Variants in HIBCH observed in about 807,000 individuals in gnomAD.
HIBCH encodes the protein 3-hydroxyisobutyryl-CoA hydrolase, mitochondrial.
Under a neutral mutation model 58.2 loss-of-function variants are expected in HIBCH, and 50 were observed. That is an observed-to-expected ratio of 0.86 (90% CI 0.68 to 1.09). HIBCH has a LOEUF of 1.09. HIBCH is among the 50% of genes least tolerant of loss of function. The pLI is 0.00. For missense variants in HIBCH, 450 were observed against 449.7 expected, an observed-to-expected ratio of 1.00 and a Z score of -0.01; for synonymous variants, 151 against 146.9, an observed-to-expected ratio of 1.03 and a Z score of -0.20.
intron 6 of HIBCH, among the ~76,000 whole-genome samples, chr2:190,262,150 T>C (rs1410648634): frequency 1.5e-5 from 2 of 130,294 alleles, no homozygotes; most frequent in African/African-American, 6.0e-5. Context: ...GCTGGTTTTA[T>C]ATGCGGTAGA....
chr2:190,296,844 T>C lies in HIBCH; in HGVS notation c.188A>G (p.Asn63Ser). The C allele has an allele frequency of 1.2e-6, 2 of 1,614,110 alleles. No individual in the cohort carries two copies. The highest frequency in any genetic ancestry group is 1.1e-5 in the South Asian group (1 of 91,084). Reference protein sequence around the residue: ...RPKFLNALTLNMIRQIYPQLK... With the variant: ...RPKFLNALTLSMIRQIYPQLK... ...CTGTGGATAAATCTGCCGAATCATA[T>C]TAAGAGTCAGTGCATTGAGGAACTT... The change falls in exon 3 of 14, where the codon AAT (asparagine) becomes AGT (serine). Residue 63 changes from asparagine (N) to serine (S), a missense_variant. Physicochemically the swap from Asn to Ser is conservative, Grantham distance 46. Transcript: ENST00000359678.
intron 11 of HIBCH, among the ~76,000 whole-genome samples, chr2:190,232,883 G>A (rs1220662490): frequency 5.9e-5 from 9 of 152,162 alleles, no homozygotes; most frequent in East Asian, 5.8e-4. Flanking sequence ...GCGTGAACCC[G>A]GGAGGCGGAG....
chr2:190,319,611 C>T (rs1688794931), intron 1 of HIBCH, 105 bp downstream of exon 1: 2 of 978,358 alleles, frequency 2.0e-6, no homozygotes, highest in Non-Finnish European at 3.2e-6. Flanking sequence ...CGCCTCTGAG[C>T]GCGACTCGAA....
At chr2:190,194,935 C>T (rs1387274976) in intron 1 of HIBCH, among the ~76,000 whole-genome samples, 3 of 152,182 alleles carry the variant, frequency 2.0e-5, no homozygotes, top group African/African-American at 4.8e-5. Flanking sequence ...TAACTTACCA[C>T]AACCTTCAAT....
rs1031295095 is a variant in HIBCH, at chr2:190,215,437, A to G, written c.892-2362T>C. On this transcript the variant is annotated intron_variant, in intron 11 of 13. Coordinates refer to ENST00000359678, the MANE Select transcript of HIBCH (RefSeq NM_014362.4). The surrounding 1 kb of genome is among the most constrained non-coding windows in gnomAD (Gnocchi z 4.4). ...ATAAAATGTCTCAAAAGCATTTGAG[A>G]TTCAACAACAAAAAAGGAGGAGACT... The G allele has an allele frequency of 5.3e-5, 8 of 152,318 alleles. No individual in the cohort carries two copies. The highest frequency in any genetic ancestry group is 1.9e-4 in the African/African-American group (8 of 41,558). 9.4% of individuals were successfully genotyped at this position (152,318 alleles called of 1,614,324 possible).
At position 190,264,758 on chromosome 2, in the gene HIBCH, T is replaced by C. The variant is rs143780557; in HGVS notation, c.439-3524A>G. Reference sequence around the variant, plus strand: ...AATTCAGTGGCCATTCTTCTGCATATGTTTTGGTGCAAAAGTGCACACATT... The same window carrying C: ...AATTCAGTGGCCATTCTTCTGCATACGTTTTGGTGCAAAAGTGCACACATT... On this transcript the variant is annotated intron_variant, in intron 6 of 13. Coordinates refer to ENST00000359678, the MANE Select transcript of HIBCH (RefSeq NM_014362.4). Among the ~76,000 whole-genome samples, 66 of 152,304 alleles carry C rather than the reference T, an allele frequency of 4.3e-4. 1 individual carries two copies. The highest frequency in any genetic ancestry group is 4.0e-3 in the East Asian group (21 of 5,186).
chr2:190,231,747 G>GAGGAGAAGAAA (rs1575709466), intron 11 of HIBCH, among the ~76,000 whole-genome samples: 1 of 151,910 alleles, frequency 6.6e-6, no homozygotes, highest in East Asian at 1.9e-4. Context: ...GAGAGAGGGA[G>GAGGAGAAGAAA]AGGAGAAGAA....
rs1202706341 is a variant in HIBCH at position 190,279,997 on chromosome 2, A to T, written c.438+7589T>A. ...TTACCCTGTCCCCTTTGTTCGCTGT[A>T]CTCTTGTAGCAAAACTGCCGGCAAG... On this transcript the variant is annotated intron_variant, in intron 6 of 13. Coordinates refer to ENST00000359678, the MANE Select transcript of HIBCH (RefSeq NM_014362.4). This position sits in a 1 kb window ranked among gnomAD's most constrained non-coding sequence, Gnocchi z 4.2. 6.6e-6 allele frequency: 1 copy of T among 152,264 alleles called. No individual in the cohort carries two copies. Among genetic ancestry groups the T allele is most frequent in the Non-Finnish European group, 1.5e-5 (1 of 68,116 alleles). 9.4% of individuals were successfully genotyped at this position (152,264 alleles called of 1,614,324 possible). A position where few individuals can be genotyped will look rare whatever the true frequency, so the allele number is the denominator to read the frequency against.
chr2:190,225,367 A>C (rs569784181), intron 11 of HIBCH, among the ~76,000 whole-genome samples: 41 of 152,200 alleles, frequency 2.7e-4, no homozygotes, highest in East Asian at 1.5e-3. Context: ...ATTGATAGAC[A>C]GCTAGCAAGA....
Position 190,315,012 on chromosome 2 carries a change from A to G in HIBCH, c.36-4216T>C, listed in dbSNP as rs1439922486. ...GCCCAGGCTGGAGTGCAGTGGTGCA[A>G]TCTCGGCTCACTGCAGGCTCTGCCT... On this transcript the variant is annotated intron_variant, in intron 1 of 13. Coordinates refer to ENST00000359678, the MANE Select transcript of HIBCH (RefSeq NM_014362.4). This position sits in a 1 kb window ranked among gnomAD's most constrained non-coding sequence, Gnocchi z 5.4. 2.0e-5 allele frequency among the ~76,000 whole-genome samples: 3 copies of G among 151,512 alleles called. No individual in the cohort carries two copies. Among genetic ancestry groups the G allele is most frequent in the African/African-American group, 7.3e-5 (3 of 41,220 alleles).
At position 190,209,785 on chromosome 2, in the gene HIBCH, C is replaced by T. The variant is rs914442542; in HGVS notation, c.1012-872G>A. 1.3e-4 allele frequency among the ~76,000 whole-genome samples: 20 copies of T among 152,134 alleles called. No homozygotes were observed. The highest frequency in any genetic ancestry group is 4.8e-4 in the African/African-American group (20 of 41,420). On this transcript the variant is annotated intron_variant, in intron 12 of 13. Coordinates refer to ENST00000359678, the MANE Select transcript of HIBCH (RefSeq NM_014362.4). The surrounding 1 kb of genome is among the most constrained non-coding windows in gnomAD (Gnocchi z 5.6). ...TTCACTTTTATTTTCCTAGAATCATCGATGTAGGCAATATAGCTGAGTTCA... is the reference window on the plus strand; with the variant it reads ...TTCACTTTTATTTTCCTAGAATCATTGATGTAGGCAATATAGCTGAGTTCA...
At chr2:190,212,818 G>C in intron 12 of HIBCH, 138 bp downstream of exon 12, 1 of 714,600 alleles carries the variant, frequency 1.4e-6, no homozygotes, top group South Asian at 1.7e-5. Flanking sequence ...AAAACTAACT[G>C]GCCTGTTGTG....
chr2:190,251,712 C>CAT (rs3838547), intron 8 of HIBCH, among the ~76,000 whole-genome samples: 45,954 of 149,168 alleles, frequency 0.31, 7,962 homozygotes, highest in African/African-American at 0.46. Context: ...AGATAAGTAA[C>CAT]GTGTTCCTTG....
intron 1 of HIBCH, among the ~76,000 whole-genome samples, chr2:190,191,701 T>C (rs974023620): frequency 3.3e-5 from 5 of 152,238 alleles, no homozygotes; most frequent in Admixed American, 3.3e-4. Context: ...GTAATTTGCA[T>C]TTCCCTAATG....
At chr2:190,199,138 G>A (rs928952460), downstream of HIBCH, among the ~76,000 whole-genome samples, 2 of 152,202 alleles carry the variant, frequency 1.3e-5, no homozygotes, top group African/African-American at 4.8e-5. Flanking sequence ...AGATCTGTAG[G>A]TTCATGAGGT....
rs1310373149 is a variant in HIBCH, at chr2:190,254,297, G to A, written c.518-1990C>T. On this transcript the variant is annotated intron_variant, in intron 7 of 13. Coordinates refer to ENST00000359678, the MANE Select transcript of HIBCH (RefSeq NM_014362.4). The surrounding 1 kb of genome is among the most constrained non-coding windows in gnomAD (Gnocchi z 5.0). ...CTTATAAGAGGAGGAAGAAACACAGGGATGCATGTGAACAGAGAAAAGGCC... is the reference window on the plus strand; with the variant it reads ...CTTATAAGAGGAGGAAGAAACACAGAGATGCATGTGAACAGAGAAAAGGCC... Among the ~76,000 whole-genome samples the A allele has an allele frequency of 1.3e-5, 2 of 152,032 alleles. No homozygotes were observed. Among genetic ancestry groups the A allele is most frequent in the Admixed American group, 6.6e-5 (1 of 15,250 alleles).
At chr2:190,205,355 A>C (rs146940868) in intron 13 of HIBCH, 123 bp from the exon 14 acceptor site, 27 of 640,870 alleles carry the variant, frequency 4.2e-5, no homozygotes, top group African/African-American at 3.9e-4. Flanking sequence ...TTTTCCTGCA[A>C]AATTTTTATA....
At chr2:190,205,536 A>C (rs1690369792) in intron 13 of HIBCH, among the ~76,000 whole-genome samples, 1 of 152,132 alleles carries the variant, frequency 6.6e-6, no homozygotes, top group Admixed American at 6.6e-5. Flanking sequence ...TTCTTGAAAT[A>C]AAATTGCCAG....
At chr2:190,261,367 A>C in intron 6 of HIBCH, 133 bp from the exon 7 acceptor site, 1 of 682,734 alleles carries the variant, frequency 1.5e-6, no homozygotes, top group Non-Finnish European at 2.6e-6. Flanking sequence ...GCTTCAGGGA[A>C]TAGGTTGTCC....
Sources: gnomAD v4.1 joint callset for allele counts (sites outside exome capture counted in the v4.1 genomes callset) on GRCh38, gnomAD v4.1.1 for gene constraint, Gnocchi (gnomAD v3.1) non-coding constraint, MANE v1.5 for transcripts, NCBI Gene and HGNC (gene_info 2026-07-23, HGNC 2026-07-21) for gene names.